Variants in THSD7A observed in about 807,000 individuals in gnomAD.
THSD7A encodes the protein thrombospondin type 1 domain containing 7A.
A neutral mutation model predicts 231.3 loss-of-function variants in THSD7A; 96 were observed. The observed-to-expected ratio is 0.41, with a 90% CI of 0.35 to 0.49. THSD7A has a LOEUF of 0.49. Ranked by LOEUF, THSD7A falls within the 20% of genes least tolerant of loss-of-function variation. The probability of loss-of-function intolerance (pLI) is 0.05; values close to 1 mark genes in which losing one functional copy is unlikely to be tolerated. For synonymous variants in THSD7A, 940 were observed against 743.3 expected, an observed-to-expected ratio of 1.26 and a Z score of -4.30; for missense variants, 2,290 against 2,070.2, an observed-to-expected ratio of 1.11 and a Z score of -2.06.
At chr7:11,797,774 CTAAAT>C (rs1784169340) in intron 1 of THSD7A, among the ~76,000 whole-genome samples, 1 of 152,002 alleles carries the variant, frequency 6.6e-6, no homozygotes, top group African/African-American at 2.4e-5. Context: ...CATTAGCATG[CTAAAT>C]TAATTTCTAA....
intron 13 of THSD7A, among the ~76,000 whole-genome samples, chr7:11,437,757 C>T (rs1227931524): frequency 2.0e-5 from 3 of 152,028 alleles, no homozygotes; most frequent in African/African-American, 7.2e-5. Flanking sequence ...AACAATTTCT[C>T]ATTCAATTTT....
At chr7:11,621,900 T>C (rs568268855) in intron 2 of THSD7A, among the ~76,000 whole-genome samples, 1 of 152,278 alleles carries the variant, frequency 6.6e-6, no homozygotes, top group Admixed American at 6.5e-5. Context: ...TCACAAATCA[T>C]ACAAAACTAA....
At chr7:11,702,725 G>A (rs946199209) in intron 1 of THSD7A, among the ~76,000 whole-genome samples, 3 of 151,138 alleles carry the variant, frequency 2.0e-5, no homozygotes, top group Non-Finnish European at 3.0e-5. Flanking sequence ...AATTATTTGT[G>A]TGTCAGTTCT....
chr7:11,787,486 A>G (rs895285910), intron 1 of THSD7A, among the ~76,000 whole-genome samples: 3 of 152,122 alleles, frequency 2.0e-5, no homozygotes, highest in Non-Finnish European at 2.9e-5. Flanking sequence ...ACGCATTGGG[A>G]GAAAATTTTC....
intron 2 of THSD7A, among the ~76,000 whole-genome samples, chr7:11,628,239 T>C: frequency 6.6e-6 from 1 of 152,196 alleles, no homozygotes; most frequent in East Asian, 1.9e-4. Flanking sequence ...CTCCAAGATC[T>C]TTATAGGTTT....
intron 16 of THSD7A, among the ~76,000 whole-genome samples, chr7:11,420,206 A>G (rs761584722): frequency 1.2e-4 from 19 of 152,212 alleles, no homozygotes; most frequent in Non-Finnish European, 1.9e-4. Context: ...AGACATGGGG[A>G]AAATGCCTCC....
At chr7:11,561,477 C>T (rs1033146930) in intron 4 of THSD7A, among the ~76,000 whole-genome samples, 1 of 152,160 alleles carries the variant, frequency 6.6e-6, no homozygotes, top group Non-Finnish European at 1.5e-5. Context: ...TGCACTTATA[C>T]TGATAACAGT....
At chr7:11,423,857 G>A (rs760129002) in intron 16 of THSD7A, among the ~76,000 whole-genome samples, 3 of 152,180 alleles carry the variant, frequency 2.0e-5, no homozygotes, top group Non-Finnish European at 4.4e-5. Context: ...GAGCCCTTAA[G>A]GATCATGTGA....
At position 11,596,169 on chromosome 7, in the gene THSD7A, C is replaced by A. The variant is rs192797649; in HGVS notation, c.1023-2667G>T. Among the ~76,000 whole-genome samples, 1,243 of 152,276 alleles carry A rather than the reference C, an allele frequency of 8.2e-3. 9 individuals are homozygous for A. The highest frequency in any genetic ancestry group is 0.012 in the Non-Finnish European group (803 of 68,018). On this transcript the variant is annotated intron_variant, in intron 2 of 27. Transcript: ENST00000423059. ...GGGAAGAACACCACTACATTATGGA[C>A]AATTTATGCTGTTAATCTTTCTTCC...
chr7:11,461,324 G>A (rs1463063916), intron 10 of THSD7A, among the ~76,000 whole-genome samples: 1 of 152,050 alleles, frequency 6.6e-6, no homozygotes, highest in Non-Finnish European at 1.5e-5. Context: ...ATATTAAGAT[G>A]CCAAATTTGA....
chr7:11,628,817 G>A (rs1215622497), intron 2 of THSD7A, among the ~76,000 whole-genome samples: 1 of 152,094 alleles, frequency 6.6e-6, no homozygotes, highest in Admixed American at 6.5e-5. Flanking sequence ...TTCTGACACC[G>A]TACTTTAACA....
At chr7:11,786,777 A>G (rs752027102) in intron 1 of THSD7A, among the ~76,000 whole-genome samples, 4 of 150,110 alleles carry the variant, frequency 2.7e-5, no homozygotes, top group East Asian at 1.9e-4. Context: ...AAAAAAAAAA[A>G]AAAGAAAAAC....
chr7:11,510,498 T>C (rs1476903876), intron 6 of THSD7A, among the ~76,000 whole-genome samples: 2 of 152,138 alleles, frequency 1.3e-5, no homozygotes, highest in Non-Finnish European at 2.9e-5. Flanking sequence ...CCAATATCAC[T>C]GAGGAACATC....
intron 1 of THSD7A, among the ~76,000 whole-genome samples, chr7:11,657,501 T>A (rs2128371629): frequency 6.6e-6 from 1 of 151,904 alleles, no homozygotes; most frequent in East Asian, 1.9e-4. Flanking sequence ...TACTCTTCAA[T>A]GCCTAACTAT....
chr7:11,690,228 T>C (rs948436595), intron 1 of THSD7A, among the ~76,000 whole-genome samples: 7 of 151,818 alleles, frequency 4.6e-5, no homozygotes, highest in African/African-American at 1.7e-4. Context: ...ATATTCACCT[T>C]GGTTCAAGAG....
intron 23 of THSD7A, chr7:11,385,720 C>CTTTA (rs1782713451): frequency 6.6e-6 from 1 of 151,838 alleles, no homozygotes; most frequent in South Asian, 2.1e-4. Context: ...TCATAAGTAA[C>CTTTA]TTTATTTTTA....
Position 11,553,211 on chromosome 7 carries a change from A to C in THSD7A, c.1454-10094T>G, listed in dbSNP as rs182551950. 2.2e-3 allele frequency among the ~76,000 whole-genome samples: 328 copies of C among 152,268 alleles called. 5 individuals are homozygous for C. In the Middle Eastern group the frequency reaches 0.041, roughly 19 times the overall value. The stretch of plus-strand genomic sequence containing the variant: ...AATTGTCAAAGAATGATTTCTACTT[A>C]ACAGTTGTCCCTATGTATACATAAG... On this transcript the variant is annotated intron_variant, in intron 4 of 27. Transcript: ENST00000423059.
intron 1 of THSD7A, among the ~76,000 whole-genome samples, chr7:11,718,806 T>C (rs1268696653): frequency 6.6e-6 from 1 of 151,664 alleles, no homozygotes; most frequent in Admixed American, 6.6e-5. Flanking sequence ...CATTTGGTCA[T>C]GATTTTGTCC....
At chr7:11,752,453 A>G (rs577913490) in intron 1 of THSD7A, among the ~76,000 whole-genome samples, 104 of 152,064 alleles carry the variant, frequency 6.8e-4, no homozygotes, top group Non-Finnish European at 1.2e-3. Context: ...TGGGCAATGC[A>G]AGATCATTTT....
Sources: allele counts gnomAD v4.1 joint callset (sites outside exome capture counted in the v4.1 genomes callset), GRCh38; gene constraint gnomAD v4.1.1; transcripts MANE v1.5; gene names NCBI Gene and HGNC (gene_info 2026-07-23, HGNC 2026-07-21).